MYO1D: variants seen among roughly 807,000 people sequenced by gnomAD.
MYO1D encodes unconventional myosin-Id.
In MYO1D, 83 loss-of-function variants were observed where a neutral mutation model predicts 122.0. The observed-to-expected ratio is 0.68, with a 90% CI of 0.57 to 0.82. The LOEUF is 0.82. Ranked by LOEUF, MYO1D falls within the 40% of genes least tolerant of loss-of-function variation. The pLI is 0.00. For synonymous variants in MYO1D, 464 were observed against 446.9 expected (o/e 1.04, Z -0.48); for missense variants, 1,157 against 1,269.5 (o/e 0.91, Z 1.35).
chr17:32,517,547 A>G (rs73274277), intron 21 of MYO1D, among the ~76,000 whole-genome samples: 5,580 of 152,214 alleles, frequency 0.037, 334 homozygotes, highest in African/African-American at 0.13. Flanking sequence ...CCAACCCCAG[A>G]GACTCTGCTT....
At chr17:32,567,507 G>T (rs542465283) in intron 21 of MYO1D, among the ~76,000 whole-genome samples, 1 of 152,302 alleles carries the variant, frequency 6.6e-6, no homozygotes, top group Admixed American at 6.5e-5. Flanking sequence ...GTACACAAAG[G>T]TTAAGTAACG....
At chr17:32,767,045 G>A (rs1158629125) in intron 7 of MYO1D, among the ~76,000 whole-genome samples, 2 of 152,112 alleles carry the variant, frequency 1.3e-5, no homozygotes, top group Non-Finnish European at 2.9e-5. Flanking sequence ...AATCCATGTT[G>A]TCATTCTTAT....
chr17:32,624,812 C>G (rs1464087873), intron 20 of MYO1D, among the ~76,000 whole-genome samples: 2 of 147,016 alleles, frequency 1.4e-5, no homozygotes, highest in Admixed American at 6.9e-5. Context: ...TTCTTTGAGA[C>G]AGAGTCTTGC....
chr17:32,641,509 A>G (rs916475484), intron 19 of MYO1D, among the ~76,000 whole-genome samples: 1 of 152,208 alleles, frequency 6.6e-6, no homozygotes, highest in Non-Finnish European at 1.5e-5. Context: ...GAATCACCAC[A>G]CTGTCTTCCA....
At chr17:32,578,842 C>T (rs570052968) in intron 21 of MYO1D, among the ~76,000 whole-genome samples, 5 of 152,216 alleles carry the variant, frequency 3.3e-5, no homozygotes, top group Middle Eastern at 3.4e-3. Context: ...GCCTAGGGGT[C>T]CATCCTGGCC....
At chr17:32,537,539 G>C (rs751527965) in intron 21 of MYO1D, among the ~76,000 whole-genome samples, 17 of 152,196 alleles carry the variant, frequency 1.1e-4, no homozygotes, top group Admixed American at 1.3e-4. Context: ...CAAAGAGCAG[G>C]GGCTACACAT....
chr17:32,818,705 G>A (rs2090635012), intron 1 of MYO1D, among the ~76,000 whole-genome samples: 1 of 152,126 alleles, frequency 6.6e-6, no homozygotes, highest in Non-Finnish European at 1.5e-5. Context: ...TTGGGCAAGG[G>A]GTCAGATCTC....
chr17:32,633,698 T>A (rs889876788), intron 20 of MYO1D, among the ~76,000 whole-genome samples: 2 of 146,856 alleles, frequency 1.4e-5, no homozygotes, highest in African/African-American at 5.0e-5. Flanking sequence ...CCCACCCCCA[T>A]CCCAGAAGGC....
intron 20 of MYO1D, 50 bp downstream of exon 20, chr17:32,638,672 T>A: frequency 1.5e-6 from 2 of 1,325,306 alleles, no homozygotes; most frequent in Non-Finnish European, 2.2e-6. Flanking sequence ...TAGTGGTCCA[T>A]GAGCACCAGG....
At chr17:32,737,093 T>C (rs1419675313) in intron 14 of MYO1D, among the ~76,000 whole-genome samples, 1 of 152,176 alleles carries the variant, frequency 6.6e-6, no homozygotes, top group South Asian at 2.1e-4. Flanking sequence ...CCAGAAACAG[T>C]ATGGATTCAA....
chr17:32,625,084 C>T (rs1023778095), intron 20 of MYO1D, among the ~76,000 whole-genome samples: 1 of 152,212 alleles, frequency 6.6e-6, no homozygotes, highest in Non-Finnish European at 1.5e-5. Context: ...AGCCACTGTG[C>T]CCAGCCCTTT....
At chr17:32,718,481 T>C (rs906462077) in intron 15 of MYO1D, among the ~76,000 whole-genome samples, 2 of 152,128 alleles carry the variant, frequency 1.3e-5, no homozygotes, top group African/African-American at 2.4e-5. Context: ...GTGGATCACC[T>C]GGGGTCAGGA....
chr17:32,758,457 C>T (rs2089969544), intron 10 of MYO1D, among the ~76,000 whole-genome samples: 1 of 152,012 alleles, frequency 6.6e-6, no homozygotes, highest in African/African-American at 2.4e-5. Context: ...ATGATAATGG[C>T]ATTGTGATTA....
chr17:32,719,269 A>G (rs914705676), intron 15 of MYO1D, among the ~76,000 whole-genome samples: 5 of 151,916 alleles, frequency 3.3e-5, no homozygotes, highest in Non-Finnish European at 1.5e-5. Context: ...TCTCATATCT[A>G]TAATAGTCCC....
At chr17:32,844,370 AGT>A in intron 1 of MYO1D, among the ~76,000 whole-genome samples, 1 of 141,794 alleles carries the variant, frequency 7.1e-6, no homozygotes, top group East Asian at 2.0e-4. Context: ...TATTATATAT[AGT>A]ATATATGTGT....
intron 21 of MYO1D, among the ~76,000 whole-genome samples, chr17:32,508,173 G>A (rs911367799): frequency 6.6e-6 from 1 of 151,918 alleles, no homozygotes; most frequent in Non-Finnish European, 1.5e-5. Context: ...GGGATTCCAG[G>A]TGTGAGCCAC....
At chr17:32,618,225 T>G (rs545522340) in intron 20 of MYO1D, among the ~76,000 whole-genome samples, 2 of 152,344 alleles carry the variant, frequency 1.3e-5, no homozygotes, top group Admixed American at 6.5e-5. Context: ...TATTCCCAAG[T>G]GCTTGTTGTG....
intron 21 of MYO1D, among the ~76,000 whole-genome samples, chr17:32,538,999 A>G (rs1910749244): frequency 6.6e-6 from 1 of 152,148 alleles, no homozygotes; most frequent in African/African-American, 2.4e-5. Context: ...TAGCTAATGC[A>G]TGCTGGGCTT....
intron 1 of MYO1D, among the ~76,000 whole-genome samples, chr17:32,794,979 A>G (rs2090398356): frequency 6.6e-6 from 1 of 152,088 alleles, no homozygotes; most frequent in Admixed American, 6.6e-5. Flanking sequence ...AGAGAAGTAG[A>G]CAGGCTTTAA....
Sources: allele counts gnomAD v4.1 joint callset (sites outside exome capture counted in the v4.1 genomes callset), GRCh38; gene constraint gnomAD v4.1.1; transcripts MANE v1.5; gene names NCBI Gene and HGNC (gene_info 2026-07-23, HGNC 2026-07-21).